The following GRM1 variants were observed in gnomAD, a reference collection of about 807,000 sequenced individuals.
The protein encoded by GRM1 is metabotropic glutamate receptor 1.
A neutral mutation model predicts 90.9 loss-of-function variants in GRM1; 33 were observed. That is an observed-to-expected ratio of 0.36 (90% CI 0.28 to 0.49). The LOEUF is 0.49. Ranked by LOEUF, GRM1 falls within the 20% of genes least tolerant of loss-of-function variation. GRM1 has a pLI of 0.99. For synonymous variants in GRM1, 700 were observed against 613.2 expected, an observed-to-expected ratio of 1.14 and a Z score of -2.09; for missense variants, 1,190 against 1,534.3, an observed-to-expected ratio of 0.78 and a Z score of 3.75.
intron 1 of GRM1, among the ~76,000 whole-genome samples, chr6:146,094,717 G>T (rs1245281841): frequency 6.6e-6 from 1 of 152,026 alleles, no homozygotes; most frequent in Non-Finnish European, 1.5e-5. Flanking sequence ...TTATAATCTT[G>T]CAGTGGAATA....
chr6:146,156,033 GGT>G (rs1387810890), intron 1 of GRM1, among the ~76,000 whole-genome samples: 1 of 152,174 alleles, frequency 6.6e-6, no homozygotes, highest in Non-Finnish European at 1.5e-5. Flanking sequence ...ATATTTACTT[GGT>G]GTAGAGGATA....
intron 5 of GRM1, among the ~76,000 whole-genome samples, 177 bp downstream of exon 5, chr6:146,357,871 T>C (rs1353365394): frequency 1.3e-5 from 2 of 152,136 alleles, no homozygotes; most frequent in Non-Finnish European, 2.9e-5. Context: ...GGAAACAGAG[T>C]GAGTAAACTC....
intron 1 of GRM1, among the ~76,000 whole-genome samples, chr6:146,086,575 A>G (rs115494169): frequency 7.8e-4 from 119 of 151,994 alleles, no homozygotes; most frequent in Admixed American, 2.8e-3. Flanking sequence ...AAAGTAGGAG[A>G]TAAATATATT....
intron 2 of GRM1, among the ~76,000 whole-genome samples, chr6:146,186,320 T>A (rs1778731256): frequency 6.6e-6 from 1 of 151,998 alleles, no homozygotes; most frequent in African/African-American, 2.4e-5. Flanking sequence ...TAAGACTGAT[T>A]TTACTTTGCC....
intron 5 of GRM1, among the ~76,000 whole-genome samples, chr6:146,363,765 G>GATC (rs1775579063): frequency 2.6e-5 from 4 of 152,184 alleles, no homozygotes; most frequent in African/African-American, 9.6e-5. Context: ...GATGAAACTT[G>GATC]TATTCTATGG....
intron 1 of GRM1, among the ~76,000 whole-genome samples, chr6:146,100,065 G>C (rs1445936690): frequency 6.6e-6 from 1 of 152,102 alleles, no homozygotes; most frequent in Non-Finnish European, 1.5e-5. Context: ...CCAATCTTAA[G>C]AGTGTTTAGT....
chr6:146,116,455 T>C (rs1035055562), intron 1 of GRM1, among the ~76,000 whole-genome samples: 8 of 152,158 alleles, frequency 5.3e-5, no homozygotes, highest in African/African-American at 1.7e-4. Flanking sequence ...ATAAACCCTA[T>C]TTGGTAATTG....
chr6:146,320,408 A>T (rs1335025925), intron 3 of GRM1, among the ~76,000 whole-genome samples: 1 of 152,052 alleles, frequency 6.6e-6, no homozygotes, highest in Non-Finnish European at 1.5e-5. Flanking sequence ...TTCATCAGGG[A>T]TATTGGCCTG....
At chr6:146,401,705 TG>T (rs1335271157) in intron 7 of GRM1, among the ~76,000 whole-genome samples, 6 of 152,318 alleles carry the variant, frequency 3.9e-5, no homozygotes, top group African/African-American at 1.2e-4. Flanking sequence ...GGGTCATTTT[TG>T]AAAGTTTTTC....
chr6:146,198,572 T>C (rs975072504), intron 2 of GRM1, among the ~76,000 whole-genome samples: 5 of 152,112 alleles, frequency 3.3e-5, no homozygotes, highest in South Asian at 2.1e-4. Context: ...AAAATCACCA[T>C]TGGGTAGGTC....
In GRM1 at chr6:146,141,352, G is replaced by T. The variant is rs184707290; in HGVS notation, c.701-17996G>T. On this transcript the variant is annotated intron_variant, in intron 1 of 7. Transcript: ENST00000282753. ...GACCTTGGGAATTTGATTATTAAAT[G>T]CCTCGAAGTAGTCTTCTTTGGGTTA... 4.8e-3 allele frequency among the ~76,000 whole-genome samples: 706 copies of T among 147,558 alleles called. 3 individuals carry two copies. Among genetic ancestry groups the T allele is most frequent in the Middle Eastern group, 0.047 (13 of 278 alleles).
At chr6:146,232,660 C>T (rs1310442195) in intron 2 of GRM1, among the ~76,000 whole-genome samples, 1 of 152,024 alleles carries the variant, frequency 6.6e-6, no homozygotes, top group Non-Finnish European at 1.5e-5. Context: ...TAACCATCCC[C>T]ACCTGCCCTC....
chr6:146,250,694 G>A (rs915585191), intron 2 of GRM1, among the ~76,000 whole-genome samples: 5 of 152,224 alleles, frequency 3.3e-5, no homozygotes, highest in Non-Finnish European at 5.9e-5. Flanking sequence ...TCACAGATAA[G>A]TAAAACAGCT....
intron 1 of GRM1, among the ~76,000 whole-genome samples, chr6:146,144,922 T>C (rs1777030878): frequency 6.6e-6 from 1 of 152,162 alleles, no homozygotes; most frequent in African/African-American, 2.4e-5. Flanking sequence ...AAGAAAAAAG[T>C]ATAGGAAACT....
At chr6:146,325,570 T>C (rs932976748) in intron 3 of GRM1, among the ~76,000 whole-genome samples, 2 of 152,224 alleles carry the variant, frequency 1.3e-5, no homozygotes, top group Non-Finnish European at 2.9e-5. Flanking sequence ...TAGTGACAGT[T>C]TTCCAAGTCT....
intron 2 of GRM1, among the ~76,000 whole-genome samples, chr6:146,291,544 C>T (rs1357134187): frequency 2.6e-5 from 4 of 151,710 alleles, no homozygotes; most frequent in Non-Finnish European, 5.9e-5. Flanking sequence ...CTTGTCTTCT[C>T]TTTCATTTGC....
intron 2 of GRM1, among the ~76,000 whole-genome samples, chr6:146,209,178 A>C (rs779081415): frequency 2.0e-5 from 3 of 152,118 alleles, no homozygotes; most frequent in Non-Finnish European, 4.4e-5. Context: ...AATCCTTTAG[A>C]TCCAAATCCT....
At chr6:146,338,920 C>A (rs548949588) in intron 3 of GRM1, among the ~76,000 whole-genome samples, 1 of 152,166 alleles carries the variant, frequency 6.6e-6, no homozygotes, top group Admixed American at 6.5e-5. Context: ...TGCTTAATAG[C>A]CATCTTATGC....
At position 146,071,374 on chromosome 6, in the gene GRM1, G is replaced by T. The variant is rs375370054; in HGVS notation, c.700+41157G>T. Among the ~76,000 whole-genome samples, 91 of 152,234 alleles carry T rather than the reference G, an allele frequency of 6.0e-4. No homozygotes were observed. In the East Asian group the frequency reaches 0.013, roughly 21 times the overall value. On this transcript the variant is annotated intron_variant, in intron 1 of 7. Coordinates refer to ENST00000282753, the MANE Select transcript of GRM1 (RefSeq NM_001278064.2). ...CTCTGCTTATTTTCTGGTAGAAGAA[G>T]AAATTCCAGATAGAAATCTAAGCTA... is the stretch of plus-strand genomic sequence containing the variant.
Sources: allele counts gnomAD v4.1 joint callset (sites outside exome capture counted in the v4.1 genomes callset), GRCh38; gene constraint gnomAD v4.1.1; transcripts MANE v1.5; gene names NCBI Gene and HGNC (gene_info 2026-07-23, HGNC 2026-07-21).